Variants in KCNH5 observed in about 807,000 individuals in gnomAD.
The protein encoded by KCNH5 is potassium voltage-gated channel subfamily H member 5.
KCNH5 carries 46 observed loss-of-function variants against 96.1 expected under a neutral mutation model. The observed-to-expected ratio is 0.48, with a 90% CI of 0.38 to 0.61. The LOEUF (loss-of-function observed/expected upper bound fraction) is 0.61, where lower values mean the gene tolerates loss of function less well. KCNH5 is among the 20% of genes least tolerant of loss of function. KCNH5 has a pLI of 0.00. For missense variants in KCNH5, 907 were observed against 1,225.8 expected (o/e 0.74, Z 3.88); for synonymous variants, 439 against 449.8 (o/e 0.98, Z 0.30).
intron 9 of KCNH5, among the ~76,000 whole-genome samples, chr14:62,786,064 G>A (rs974870338): frequency 5.3e-5 from 8 of 152,056 alleles, no homozygotes; most frequent in South Asian, 4.2e-4. Context: ...AGTGGCGGGC[G>A]CCTGTAATCC....
chr14:62,757,640 C>A (rs190821904), intron 10 of KCNH5, among the ~76,000 whole-genome samples: 14 of 150,972 alleles, frequency 9.3e-5, no homozygotes, highest in Non-Finnish European at 1.6e-4. Context: ...AGAATGAGAT[C>A]CAGACATTTG....
intron 7 of KCNH5, among the ~76,000 whole-genome samples, chr14:62,936,685 A>G (rs1190069858): frequency 6.6e-6 from 1 of 150,732 alleles, no homozygotes; most frequent in East Asian, 2.0e-4. Flanking sequence ...AAAAAAAAAA[A>G]AAAAAAAAAA....
chr14:62,915,779 C>G (rs559601005), intron 7 of KCNH5, among the ~76,000 whole-genome samples: 1 of 152,208 alleles, frequency 6.6e-6, no homozygotes, highest in African/African-American at 2.4e-5. Flanking sequence ...GCAGTACTAT[C>G]AAAGTATTGC....
In KCNH5 at chr14:63,040,641, T is replaced by C. The variant is rs1181667543; in HGVS notation, c.73+4473A>G. On this transcript the variant is annotated intron_variant, in intron 1 of 10. Coordinates refer to ENST00000322893, the MANE Select transcript of KCNH5 (RefSeq NM_139318.5). Reference sequence around the variant, plus strand: ...CAACAACCAAAATAATGTCCATTTGTTTTCCATTATTTCTTTTAAATTGGC... The same window carrying C: ...CAACAACCAAAATAATGTCCATTTGCTTTCCATTATTTCTTTTAAATTGGC... Among the ~76,000 whole-genome samples the C allele has an allele frequency of 4.6e-5, 7 of 152,172 alleles. 1 individual carries two copies. The highest frequency in any genetic ancestry group is 1.0e-4 in the Non-Finnish European group (7 of 67,990).
At chr14:62,913,878 G>C (rs992819470) in intron 7 of KCNH5, among the ~76,000 whole-genome samples, 2 of 151,974 alleles carry the variant, frequency 1.3e-5, no homozygotes, top group African/African-American at 4.8e-5. Context: ...GTATAATCTT[G>C]AACAGAGAAG....
At chr14:62,720,962 C>G (rs991020716) in intron 10 of KCNH5, among the ~76,000 whole-genome samples, 1 of 152,152 alleles carries the variant, frequency 6.6e-6, no homozygotes, top group African/African-American at 2.4e-5. Flanking sequence ...CTAAACACTC[C>G]CATAAAAATG....
intron 10 of KCNH5, among the ~76,000 whole-genome samples, chr14:62,731,442 A>C (rs1885048792): frequency 6.6e-6 from 1 of 152,140 alleles, no homozygotes; most frequent in African/African-American, 2.4e-5. Context: ...TTTGAAATAC[A>C]ACATTAATTA....
intron 10 of KCNH5, among the ~76,000 whole-genome samples, chr14:62,760,750 T>C (rs1885729524): frequency 6.6e-6 from 1 of 152,226 alleles, no homozygotes; most frequent in Non-Finnish European, 1.5e-5. Flanking sequence ...AATTGCTTCA[T>C]TTGATTCCTT....
intron 1 of KCNH5, among the ~76,000 whole-genome samples, chr14:63,022,258 C>T (rs1158500168): frequency 4.6e-5 from 7 of 152,080 alleles, no homozygotes; most frequent in East Asian, 3.9e-4. Flanking sequence ...TAATTAATTA[C>T]CAATCGCATT....
intron 10 of KCNH5, among the ~76,000 whole-genome samples, chr14:62,761,440 C>T (rs548543246): frequency 1.3e-5 from 2 of 151,026 alleles, no homozygotes; most frequent in African/African-American, 4.9e-5. Flanking sequence ...TTTTCAAATA[C>T]ATGTCTGTTG....
chr14:62,732,650 A>C (rs1475368772), intron 10 of KCNH5, among the ~76,000 whole-genome samples: 1 of 152,142 alleles, frequency 6.6e-6, no homozygotes, highest in Non-Finnish European at 1.5e-5. Flanking sequence ...GTGCCCTGCA[A>C]TCTTAGCCTG....
intron 10 of KCNH5, among the ~76,000 whole-genome samples, chr14:62,722,021 C>T (rs1249194419): frequency 1.3e-5 from 2 of 152,256 alleles, no homozygotes; most frequent in Middle Eastern, 3.4e-3. Context: ...ACTGGAATTG[C>T]CACCTAATCA....
intron 2 of KCNH5, among the ~76,000 whole-genome samples, chr14:63,013,224 T>C (rs1891262150): frequency 1.3e-5 from 2 of 152,060 alleles, no homozygotes; most frequent in African/African-American, 4.8e-5. Flanking sequence ...ATAAAACAAT[T>C]CACTTTTGAA....
At chr14:62,767,085 A>T (rs115450591) in intron 10 of KCNH5, among the ~76,000 whole-genome samples, 5,418 of 151,428 alleles carry the variant, frequency 0.036, 180 homozygotes, top group African/African-American at 0.095. Flanking sequence ...CTCAACATCA[A>T]TAGTCATTAG....
rs1029829382 is a variant in KCNH5 at position 62,704,496 on chromosome 14, G to A, written c.*3012C>T. The A allele has an allele frequency of 6.6e-6, 1 of 151,786 alleles. No individual in the cohort carries two copies. The highest frequency in any genetic ancestry group is 1.5e-5 in the Non-Finnish European group (1 of 67,796). 9.4% of individuals were successfully genotyped at this position (151,786 alleles called of 1,614,324 possible). A position where few individuals can be genotyped will look rare whatever the true frequency, so the allele number is the denominator to read the frequency against. ...ATCCTGATACAGACTGATAAAACCT[G>A]CCATTATGATACATCACTCACATTT... On this transcript the variant is annotated 3_prime_UTR_variant, in exon 11 of 11. Coordinates refer to ENST00000322893, the MANE Select transcript of KCNH5 (RefSeq NM_139318.5).
At chr14:62,731,856 A>C (rs1485146775) in intron 10 of KCNH5, among the ~76,000 whole-genome samples, 1 of 152,178 alleles carries the variant, frequency 6.6e-6, no homozygotes, top group Admixed American at 6.5e-5. Context: ...TAATCTAACA[A>C]AACTCTGATG....
intron 8 of KCNH5, among the ~76,000 whole-genome samples, chr14:62,814,585 C>A (rs896767716): frequency 5.3e-5 from 8 of 151,934 alleles, no homozygotes; most frequent in African/African-American, 1.9e-4. Flanking sequence ...GAGCTTGAGA[C>A]CAGCCTGGCC....
intron 10 of KCNH5, among the ~76,000 whole-genome samples, chr14:62,727,801 C>T (rs1459404984): frequency 6.7e-6 from 1 of 148,474 alleles, no homozygotes; most frequent in Non-Finnish European, 1.5e-5. Context: ...AAGCAGGAGA[C>T]TTATAAGCAG....
intron 8 of KCNH5, among the ~76,000 whole-genome samples, chr14:62,815,410 T>G (rs1886958095): frequency 6.6e-6 from 1 of 152,158 alleles, no homozygotes; most frequent in Admixed American, 6.5e-5. Flanking sequence ...ATAATATAAT[T>G]TGTTCACTTA....
Sources: allele counts gnomAD v4.1 joint callset (sites outside exome capture counted in the v4.1 genomes callset), GRCh38; gene constraint gnomAD v4.1.1; transcripts MANE v1.5; gene names NCBI Gene and HGNC (gene_info 2026-07-23, HGNC 2026-07-21).